SRD5A3: variants seen among roughly 807,000 people sequenced by gnomAD.
The protein encoded by SRD5A3 is polyprenal reductase.
Under a neutral mutation model 34.3 loss-of-function variants are expected in SRD5A3, and 24 were observed. That is an observed-to-expected ratio of 0.70 (90% CI 0.51 to 0.99). SRD5A3 has a LOEUF of 0.99. Ranked by LOEUF, SRD5A3 falls within the 50% of genes least tolerant of loss-of-function variation. The pLI, the probability that SRD5A3 is intolerant of heterozygous loss-of-function variation, is 0.00. For missense variants in SRD5A3, 350 were observed against 388.2 expected (o/e 0.90, Z 0.83); for synonymous variants, 161 against 167.3 (o/e 0.96, Z 0.29).
intron 1 of SRD5A3, among the ~76,000 whole-genome samples, chr4:55,347,550 A>G (rs1719040593): frequency 6.6e-6 from 1 of 152,200 alleles, no homozygotes; most frequent in Non-Finnish European, 1.5e-5. Context: ...ATCATCTGAG[A>G]TCAGGCATTG....
intron 1 of SRD5A3, among the ~76,000 whole-genome samples, chr4:55,353,749 G>C (rs913570674): frequency 2.6e-5 from 4 of 151,734 alleles, no homozygotes; most frequent in African/African-American, 7.3e-5. Context: ...ACTCACTGCC[G>C]AGGTCTGCGG....
Position 55,346,308 on chromosome 4 carries a change from C to T in SRD5A3, c.-29C>T, listed in dbSNP as rs1718989210. 7.2e-7 allele frequency: 1 copy of T among 1,389,976 alleles called. No individual in the cohort carries two copies. Among genetic ancestry groups the T allele is most frequent in the Non-Finnish European group, 9.3e-7 (1 of 1,076,922 alleles). 86.1% of individuals were successfully genotyped at this position (1,389,976 alleles called of 1,614,324 possible). ...GCGGGCTAGCGGGCGGTGGGGGCGC[C>T]AGCAGCGCGGAAGGCGGGCACGCGG... On this transcript the variant is annotated 5_prime_UTR_variant, in exon 1 of 5. Transcript: ENST00000264228.
chr4:55,364,035 A>G (rs1719783112), intron 2 of SRD5A3, 39 bp from the exon 3 acceptor site: 1 of 1,607,696 alleles, frequency 6.2e-7, no homozygotes, highest in Non-Finnish European at 8.5e-7. Flanking sequence ...GATTAATCCC[A>G]GAAGAGAAAT....
intron 1 of SRD5A3, among the ~76,000 whole-genome samples, chr4:55,353,356 C>G (rs1272597352): frequency 6.6e-6 from 1 of 152,108 alleles, no homozygotes; most frequent in African/African-American, 2.4e-5. Flanking sequence ...AATCAGCGCT[C>G]TGTGTCTAGC....
At position 55,371,040 on chromosome 4, in the gene SRD5A3, T is replaced by TAACA. The variant is rs1213040225; in HGVS notation, c.*950_*953dup. 3.3e-5 allele frequency: 5 copies of TAACA among 152,328 alleles called. No individual in the cohort carries two copies. The East Asian group carries it at 5.8e-4, about 18-fold the overall frequency. 9.4% of individuals were successfully genotyped at this position (152,328 alleles called of 1,614,324 possible). Reference sequence around the variant, plus strand: ...TTCATCTCCCCCTCAAATCATAGCCTAACAGAACACTTTGAAAGCTCTTTT... The same window carrying TAACA: ...TTCATCTCCCCCTCAAATCATAGCCTAACAAACAGAACACTTTGAAAGCTCTTTT... On this transcript the variant is annotated 3_prime_UTR_variant, in exon 5 of 5. Coordinates refer to ENST00000264228, the MANE Select transcript of SRD5A3 (RefSeq NM_024592.5).
At chr4:55,354,884 C>T (rs909155084) in intron 1 of SRD5A3, among the ~76,000 whole-genome samples, 1 of 152,264 alleles carries the variant, frequency 6.6e-6, no homozygotes, top group Non-Finnish European at 1.5e-5. Context: ...GTTGTGTTTG[C>T]TGTTGTATCC....
At position 55,372,109 on chromosome 4, in the gene SRD5A3, GAA is replaced by G. The variant is rs759106183; in HGVS notation, c.*2019_*2020del. ...ATCATTTAGAATTTGCCATTCTCAGGAACAAAACTTTTTGTACATTGGAAATG... is the reference window on the plus strand; with the variant it reads ...ATCATTTAGAATTTGCCATTCTCAGGCAAAACTTTTTGTACATTGGAAATG... On this transcript the variant is annotated 3_prime_UTR_variant, in exon 5 of 5. Coordinates refer to ENST00000264228, the MANE Select transcript of SRD5A3 (RefSeq NM_024592.5). 5 of 152,118 alleles carry G rather than the reference GAA, an allele frequency of 3.3e-5. No individual in the cohort carries two copies. Among genetic ancestry groups the G allele is most frequent in the Non-Finnish European group, 5.9e-5 (4 of 68,028 alleles). The allele number at this position is 152,118 out of a possible 1,614,324, so 9.4% of individuals were successfully genotyped here. A position where few individuals can be genotyped will look rare whatever the true frequency, so the allele number is the denominator to read the frequency against.
At chr4:55,347,108 G>A (rs1026213315) in intron 1 of SRD5A3, among the ~76,000 whole-genome samples, 10 of 152,218 alleles carry the variant, frequency 6.6e-5, no homozygotes, top group Admixed American at 2.0e-4. Flanking sequence ...AGGTGCCCCT[G>A]GGGAAGGTGG....
rs1578214384 is a variant in SRD5A3 at position 55,370,534 on chromosome 4, G to A, written c.*443G>A. The A allele has an allele frequency of 1.1e-5, 2 of 188,956 alleles. No individual in the cohort carries two copies. Among genetic ancestry groups the A allele is most frequent in the East Asian group, 3.0e-4 (2 of 6,742 alleles). 11.7% of individuals were successfully genotyped at this position (188,956 alleles called of 1,614,324 possible). Reference sequence around the variant, plus strand: ...GAATGGACTATATAATAATATAGCAGGTGCTCAATAACTGTTTGTTGCATT... The same window carrying A: ...GAATGGACTATATAATAATATAGCAAGTGCTCAATAACTGTTTGTTGCATT... On this transcript the variant is annotated 3_prime_UTR_variant, in exon 5 of 5. Transcript: ENST00000264228.
At chr4:55,361,250 G>A (rs985856455) in intron 2 of SRD5A3, among the ~76,000 whole-genome samples, 4 of 152,112 alleles carry the variant, frequency 2.6e-5, no homozygotes, top group Admixed American at 6.5e-5. Flanking sequence ...AGGAGGCTGA[G>A]GTGAGCAGAT....
Position 55,372,385 on chromosome 4 carries a change from C to G in SRD5A3, c.*2294C>G, listed in dbSNP as rs1371594180. ...CCCACCCCTGTTTCCTGCTGTCTCTCTCCCACTCATCCCTGTTTCTTACTC... is the reference window on the plus strand; with the variant it reads ...CCCACCCCTGTTTCCTGCTGTCTCTGTCCCACTCATCCCTGTTTCTTACTC... On this transcript the variant is annotated 3_prime_UTR_variant, in exon 5 of 5. Coordinates refer to ENST00000264228, the MANE Select transcript of SRD5A3 (RefSeq NM_024592.5). 6.6e-6 allele frequency: 1 copy of G among 152,164 alleles called. No homozygotes were observed. Among genetic ancestry groups the G allele is most frequent in the Non-Finnish European group, 1.5e-5 (1 of 68,034 alleles). The allele number at this position is 152,164 out of a possible 1,614,324, so 9.4% of individuals were successfully genotyped here. A position where few individuals can be genotyped will look rare whatever the true frequency, so the allele number is the denominator to read the frequency against.
At chr4:55,362,735 G>A (rs371703926) in intron 2 of SRD5A3, among the ~76,000 whole-genome samples, 3 of 151,372 alleles carry the variant, frequency 2.0e-5, no homozygotes, top group East Asian at 3.9e-4. Flanking sequence ...TTCTGTTTCT[G>A]GATCTGGGTG....
rs1246678456 is a variant in SRD5A3, at chr4:55,353,056, G to GC, written c.222-6290_222-6289insC. 9.2e-5 allele frequency among the ~76,000 whole-genome samples: 14 copies of GC among 152,302 alleles called. No homozygotes were observed. The East Asian group carries it at 2.5e-3, about 27-fold the overall frequency. Reference sequence around the variant, plus strand: ...GTGGGAGGGGGAGGCATTGCATTGTGTGATTTATGTTTTAAAGGATGATTG... The same window carrying GC: ...GTGGGAGGGGGAGGCATTGCATTGTGCTGATTTATGTTTTAAAGGATGATTG... On this transcript the variant is annotated intron_variant, in intron 1 of 4. Coordinates refer to ENST00000264228, the MANE Select transcript of SRD5A3 (RefSeq NM_024592.5).
intron 1 of SRD5A3, among the ~76,000 whole-genome samples, chr4:55,353,037 G>A (rs942109965): frequency 6.6e-6 from 1 of 152,150 alleles, no homozygotes; most frequent in Non-Finnish European, 1.5e-5. Context: ...TTGTGTGGGA[G>A]GGGGAGGCAT....
Position 55,369,907 on chromosome 4 carries a change from C to G in SRD5A3, c.773C>G (p.Ala258Gly), listed in dbSNP as rs937471250. 6.2e-7 allele frequency: 1 copy of G among 1,614,056 alleles called. No homozygotes were observed. The highest frequency in any genetic ancestry group is 1.1e-5 in the South Asian group (1 of 91,086). ...TATGTTTCTTCCCCTAACTACTTAG[C>G]AGAGCTGATGATCTACGTTTCCATG... ...FEYVSSPNYL[A>G]ELMIYVSMAV... The change falls in exon 5 of 5, where the codon GCA becomes GGA. Residue 258 changes from alanine (A) to glycine (G), a missense_variant. By Grantham distance (60) the Ala-to-Gly change is moderately conservative. Transcript: ENST00000264228.
At chr4:55,360,936 C>T (rs985908508) in intron 2 of SRD5A3, among the ~76,000 whole-genome samples, 8 of 152,032 alleles carry the variant, frequency 5.3e-5, no homozygotes, top group Admixed American at 1.3e-4. Flanking sequence ...GTGATCCACC[C>T]GCATTGGCCT....
intron 4 of SRD5A3, among the ~76,000 whole-genome samples, chr4:55,368,600 T>A (rs1337993292): frequency 2.6e-5 from 4 of 151,164 alleles, no homozygotes; most frequent in African/African-American, 9.7e-5. Context: ...AATTTTTGTA[T>A]TTTTTAGTAC....
At chr4:55,357,799 T>C (rs1477106585) in intron 1 of SRD5A3, among the ~76,000 whole-genome samples, 1 of 152,234 alleles carries the variant, frequency 6.6e-6, no homozygotes, top group African/African-American at 2.4e-5. Flanking sequence ...CTCAAACTCC[T>C]GGCCTCAAGG....
intron 1 of SRD5A3, chr4:55,352,377 G>A (rs895852507): frequency 3.1e-5 from 24 of 780,308 alleles, no homozygotes; most frequent in Non-Finnish European, 4.5e-5. Context: ...CTTCATGGTC[G>A]CATACTTCCT....
Sources: gnomAD v4.1 joint callset for allele counts (sites outside exome capture counted in the v4.1 genomes callset) on GRCh38, gnomAD v4.1.1 for gene constraint, MANE v1.5 for transcripts, NCBI Gene and HGNC (gene_info 2026-07-23, HGNC 2026-07-21) for gene names.